Variants in DMTF1 observed in about 807,000 individuals in gnomAD.
The protein encoded by DMTF1 is cyclin D binding myb like transcription factor 1, also known as cyclin-D-binding Myb-like transcription factor 1.
In DMTF1, 39 loss-of-function variants were observed where a neutral mutation model predicts 91.1. That is an observed-to-expected ratio of 0.43 (90% CI 0.33 to 0.56). The LOEUF is 0.56. Ranked by LOEUF, DMTF1 falls within the 20% of genes least tolerant of loss-of-function variation. DMTF1 has a pLI of 0.05. For synonymous variants in DMTF1, 338 were observed against 309.5 expected (o/e 1.09, Z -0.97); for missense variants, 750 against 914.5 (o/e 0.82, Z 2.32).
At position 87,185,920 on chromosome 7, in the gene DMTF1, C is replaced by T. The variant is rs1328014212; in HGVS notation, c.1141C>T (p.Arg381Ter). ...WSSVRSPQWL[R>*]SKWWTIKRQI... ...TAGTGTCCGTTCACCACAATGGCTA[C>T]GAAGTAAATGGTGGACCATCAAAAG... The change falls in exon 12 of 18, where the codon CGA (arginine) becomes TGA (stop). Residue 381 changes from arginine (R) to a stop codon, truncating the protein, a stop_gained. Transcript: ENST00000331242. LOFTEE classifies it high-confidence loss of function. 6.2e-7 allele frequency: 1 copy of T among 1,613,926 alleles called. No individual in the cohort carries two copies.
At chr7:87,173,396 A>C in intron 5 of DMTF1, 139 bp from the exon 6 acceptor site, 1 of 452,182 alleles carries the variant, frequency 2.2e-6, no homozygotes, top group Non-Finnish European at 3.9e-6. Flanking sequence ...ACTATATCTA[A>C]AACAAGTGAA....
At chr7:87,191,105 C>A in intron 14 of DMTF1, 78 bp downstream of exon 14, 1 of 935,942 alleles carries the variant, frequency 1.1e-6, no homozygotes, top group Non-Finnish European at 1.6e-6. Context: ...GTTTCATTTG[C>A]TTATGATTCA....
intron 6 of DMTF1, 46 bp downstream of exon 6, chr7:87,173,695 G>A (rs2129107321): frequency 7.9e-7 from 1 of 1,266,280 alleles, no homozygotes; most frequent in South Asian, 1.3e-5. Context: ...AAAAAATGGA[G>A]ATAGAAAGGG....
chr7:87,159,152 G>A (rs1182147341), intron 1 of DMTF1, among the ~76,000 whole-genome samples: 1 of 152,118 alleles, frequency 6.6e-6, no homozygotes, highest in African/African-American at 2.4e-5. Flanking sequence ...TAATGGAAAT[G>A]TCAGTAAGGC....
intron 11 of DMTF1, 55 bp downstream of exon 11, chr7:87,184,680 T>A: frequency 6.8e-7 from 1 of 1,480,554 alleles, no homozygotes; most frequent in Non-Finnish European, 9.4e-7. Context: ...GTGGATGTCT[T>A]GATAGACTTT....
chr7:87,166,420 T>C, intron 3 of DMTF1, 63 bp from the exon 4 acceptor site: 2 of 1,534,946 alleles, frequency 1.3e-6, no homozygotes, highest in South Asian at 1.2e-5. Context: ...GTAGAGCCAT[T>C]GTTAGAGATT....
chr7:87,163,875 T>C (rs1301336834), intron 2 of DMTF1, among the ~76,000 whole-genome samples: 2 of 151,938 alleles, frequency 1.3e-5, no homozygotes, highest in Admixed American at 6.6e-5. Context: ...TGGACTAATA[T>C]CTTGTGTATA....
chr7:87,188,107 T>G lies in DMTF1; in HGVS notation c.1217T>G (p.Leu406Arg). 1.2e-6 allele frequency: 2 copies of G among 1,613,756 alleles called. No homozygotes were observed. The highest frequency in any genetic ancestry group is 1.7e-6 in the Non-Finnish European group (2 of 1,179,792). The change falls in exon 13 of 18, where the codon CTT becomes CGT. Residue 406 changes from leucine (L) to arginine (R), a missense_variant. Physicochemically the swap from Leu to Arg is moderately radical, Grantham distance 102 (BLOSUM62 -2). Transcript: ENST00000331242. ...CTCCCTTCAGTCTTAATAAAAGGTC[T>G]TAAACAGTTACATGAGAACCAAAAA... The part of the protein sequence containing the change: ...DVSFPVLIKG[L>R]KQLHENQKNN...
intron 4 of DMTF1, among the ~76,000 whole-genome samples, chr7:87,167,537 A>G (rs1794105435): frequency 6.6e-6 from 1 of 152,240 alleles, no homozygotes; most frequent in Non-Finnish European, 1.5e-5. Context: ...TCACATCTTC[A>G]TCTTTTGAAA....
intron 1 of DMTF1, among the ~76,000 whole-genome samples, chr7:87,158,631 T>G (rs1426772641): frequency 3.3e-5 from 5 of 152,052 alleles, no homozygotes; most frequent in African/African-American, 1.2e-4. Context: ...AAGCATTAAA[T>G]AACTGTTGAA....
chr7:87,182,823 T>G (rs1432873617), intron 10 of DMTF1, among the ~76,000 whole-genome samples: 1 of 152,214 alleles, frequency 6.6e-6, no homozygotes, highest in Non-Finnish European at 1.5e-5. Context: ...AGTATATTTT[T>G]CCATAGAAAA....
At chr7:87,187,470 A>G (rs568232809) in intron 12 of DMTF1, 1 of 152,508 alleles carries the variant, frequency 6.6e-6, no homozygotes, top group East Asian at 1.9e-4. Context: ...GCTTGAGTCC[A>G]GGGGTTCGAG....
intron 2 of DMTF1, among the ~76,000 whole-genome samples, chr7:87,163,891 CAG>C (rs1793124563): frequency 6.6e-6 from 1 of 151,522 alleles, no homozygotes; most frequent in East Asian, 1.9e-4. Flanking sequence ...GTATAGGAGC[CAG>C]AGAGAGCCAG....
chr7:87,154,721 ACT>A (rs1212722037), intron 1 of DMTF1, among the ~76,000 whole-genome samples: 2 of 152,072 alleles, frequency 1.3e-5, no homozygotes, highest in African/African-American at 4.8e-5. Flanking sequence ...ACTGGTGGAG[ACT>A]CATATCAAAA....
chr7:87,174,447 A>G (rs969227599), intron 6 of DMTF1, 146 bp from the exon 7 acceptor site: 12 of 589,374 alleles, frequency 2.0e-5, no homozygotes, highest in Non-Finnish European at 3.3e-5. Flanking sequence ...AAGTTTACCT[A>G]GAGACCTTTC....
intron 13 of DMTF1, 117 bp from the exon 14 acceptor site, chr7:87,190,828 G>C: frequency 2.7e-6 from 2 of 746,884 alleles, no homozygotes; most frequent in South Asian, 2.1e-5. Flanking sequence ...AGGTCTCCAG[G>C]CAAATTATTC....
intron 10 of DMTF1, among the ~76,000 whole-genome samples, chr7:87,183,487 T>G (rs1797799756): frequency 6.6e-6 from 1 of 152,200 alleles, no homozygotes; most frequent in Admixed American, 6.5e-5. Context: ...CAGCACAGTC[T>G]CAAAGTAGTC....
Position 87,159,863 on chromosome 7 carries a change from G to A in DMTF1, c.-131-3632G>A, listed in dbSNP as rs541077311. 2.6e-3 allele frequency among the ~76,000 whole-genome samples: 393 copies of A among 152,232 alleles called. 1 individual carries two copies. Among genetic ancestry groups the A allele is most frequent in the African/African-American group, 9.1e-3 (376 of 41,538 alleles). ...CTAAACATATCTAAATATAGAAAAG[G>A]TACAGTAAAAATATAGTGGTATAAT... On this transcript the variant is annotated intron_variant, in intron 1 of 17. Transcript: ENST00000331242.
intron 4 of DMTF1, 111 bp downstream of exon 4, chr7:87,166,716 C>T: frequency 9.3e-7 from 1 of 1,072,530 alleles, no homozygotes; most frequent in Non-Finnish European, 1.4e-6. Flanking sequence ...CTTTTTTCTT[C>T]ATTTAGTCAA....
Sources: allele counts gnomAD v4.1 joint callset (sites outside exome capture counted in the v4.1 genomes callset), GRCh38; gene constraint gnomAD v4.1.1; transcripts MANE v1.5; gene names NCBI Gene and HGNC (gene_info 2026-07-23, HGNC 2026-07-21).